Variants in ENOX2 observed in about 807,000 individuals in gnomAD.
ENOX2 encodes APK1 antigen.
ENOX2 carries 36 observed loss-of-function variants against 45.0 expected under a neutral mutation model. That is an observed-to-expected ratio of 0.80 (90% CI 0.61 to 1.06). The LOEUF is 1.06. Among genes scored for constraint, ENOX2 ranks in the 50% least tolerant of loss-of-function variants. The pLI, the probability that ENOX2 is intolerant of heterozygous loss-of-function variation, is 0.00. For synonymous variants in ENOX2, 174 were observed against 152.3 expected (o/e 1.14, Z -1.05); for missense variants, 423 against 462.5 (o/e 0.91, Z 0.78).
chrX:130,724,304 A>T (rs1295400434), intron 3 of ENOX2, among the ~76,000 whole-genome samples: 1 of 112,513 alleles, frequency 8.9e-6, no homozygotes, highest in Admixed American at 9.4e-5. Context: ...ATCAGGAATG[A>T]TGTTCAAAAT....
chrX:130,744,392 A>G (rs2039053333), intron 3 of ENOX2, among the ~76,000 whole-genome samples: 1 of 112,158 alleles, frequency 8.9e-6, no homozygotes. Context: ...CTGTTTATAC[A>G]CTCACACACA....
chrX:130,666,963 A>G (rs1286692349), intron 8 of ENOX2, among the ~76,000 whole-genome samples: 1 of 111,945 alleles, frequency 8.9e-6, no homozygotes, highest in African/African-American at 3.3e-5. Flanking sequence ...ATAGGTTTGG[A>G]GCGGAATTTC....
At chrX:130,711,297 CATT>C (rs1441950561) in intron 3 of ENOX2, among the ~76,000 whole-genome samples, 4 of 111,790 alleles carry the variant, frequency 3.6e-5, no homozygotes, top group Non-Finnish European at 5.6e-5. Flanking sequence ...AACAATCTAT[CATT>C]GTTTGTGAAC....
At chrX:130,640,648 A>G (rs2036056014) in intron 10 of ENOX2, among the ~76,000 whole-genome samples, 1 of 112,237 alleles carries the variant, frequency 8.9e-6, no homozygotes, top group South Asian at 3.7e-4. Flanking sequence ...AAACTAACAC[A>G]GGAACAGAAA....
intron 4 of ENOX2, among the ~76,000 whole-genome samples, chrX:130,700,959 T>G (rs970205556): frequency 9.0e-6 from 1 of 111,582 alleles, no homozygotes; most frequent in Non-Finnish European, 1.9e-5. Flanking sequence ...CACCACACTG[T>G]TTAGAAAACT....
intron 2 of ENOX2, among the ~76,000 whole-genome samples, chrX:130,841,541 A>G (rs182772520): frequency 4.1e-4 from 46 of 112,327 alleles, no homozygotes; most frequent in Middle Eastern, 4.7e-3. Context: ...CCAAAGGCCT[A>G]TGTTATTACT....
chrX:130,896,395 T>A (rs899329835), intron 2 of ENOX2, among the ~76,000 whole-genome samples: 17 of 111,219 alleles, frequency 1.5e-4, no homozygotes, highest in African/African-American at 5.6e-4. Flanking sequence ...CGGGTACATA[T>A]CCCAGTTTTC....
chrX:130,841,380 T>C (rs930561432), intron 2 of ENOX2, among the ~76,000 whole-genome samples: 2 of 112,036 alleles, frequency 1.8e-5, no homozygotes, highest in Non-Finnish European at 3.8e-5. Flanking sequence ...TACCACAGCA[T>C]CATTTATACT....
At chrX:130,835,298 T>A (rs756114250) in intron 2 of ENOX2, among the ~76,000 whole-genome samples, 89 of 111,680 alleles carry the variant, frequency 8.0e-4, no homozygotes, top group African/African-American at 2.9e-3. Flanking sequence ...CAAGGCAGTT[T>A]ACAAAGTACT....
At chrX:130,677,565 T>C (rs1001692147) in intron 6 of ENOX2, among the ~76,000 whole-genome samples, 1 of 111,363 alleles carries the variant, frequency 9.0e-6, no homozygotes, top group Non-Finnish European at 1.9e-5. Flanking sequence ...CTGGGGCCTT[T>C]AAGAGGTGAT....
chrX:130,740,598 A>C (rs189726231), intron 3 of ENOX2, among the ~76,000 whole-genome samples: 37 of 111,265 alleles, frequency 3.3e-4, no homozygotes, highest in Admixed American at 9.6e-4. Flanking sequence ...ATGATTCTAG[A>C]CTAAAGAGTG....
At chrX:130,882,266 A>G (rs957690350) in intron 2 of ENOX2, among the ~76,000 whole-genome samples, 5 of 105,458 alleles carry the variant, frequency 4.7e-5, no homozygotes, top group Non-Finnish European at 9.7e-5. Flanking sequence ...GTGTAGTGGG[A>G]GATAAGAGTG....
At chrX:130,777,685 G>A (rs1454647241) in intron 3 of ENOX2, among the ~76,000 whole-genome samples, 2 of 110,960 alleles carry the variant, frequency 1.8e-5, no homozygotes, top group Non-Finnish European at 3.8e-5. Context: ...TCAATGATTC[G>A]GGCAACTTAA....
chrX:130,748,091 T>C (rs2039136229), intron 3 of ENOX2, among the ~76,000 whole-genome samples: 1 of 112,109 alleles, frequency 8.9e-6, no homozygotes, highest in Admixed American at 9.5e-5. Flanking sequence ...TCAGAGTACA[T>C]ATTAAGTACA....
intron 5 of ENOX2, among the ~76,000 whole-genome samples, chrX:130,680,661 T>C (rs1386748066): frequency 8.9e-6 from 1 of 112,615 alleles, no homozygotes; most frequent in Non-Finnish European, 1.9e-5. Context: ...ATGATGGTCA[T>C]GGGTTTTCTA....
intron 5 of ENOX2, among the ~76,000 whole-genome samples, chrX:130,685,880 G>A (rs1344597088): frequency 8.9e-6 from 1 of 111,873 alleles, no homozygotes; most frequent in Non-Finnish European, 1.9e-5. Context: ...GAGGTCAGGA[G>A]TTGGACTATG....
intron 2 of ENOX2, among the ~76,000 whole-genome samples, chrX:130,813,072 C>T (rs1282083767): frequency 1.8e-5 from 2 of 111,886 alleles, no homozygotes; most frequent in African/African-American, 6.5e-5. Flanking sequence ...AACGCTTAAC[C>T]AGTAGGTATA....
intron 2 of ENOX2, among the ~76,000 whole-genome samples, chrX:130,898,168 C>T (rs1172514965): frequency 2.3e-4 from 25 of 110,635 alleles, no homozygotes; most frequent in African/African-American, 6.6e-4. Flanking sequence ...CCATCACGCC[C>T]GGCTAATTTT....
intron 3 of ENOX2, among the ~76,000 whole-genome samples, chrX:130,765,578 G>A (rs1158670557): frequency 9.0e-6 from 1 of 111,104 alleles, no homozygotes; most frequent in Non-Finnish European, 1.9e-5. Context: ...TGTATAATAT[G>A]CCACTGCATG....
Sources: gnomAD v4.1 joint callset for allele counts (sites outside exome capture counted in the v4.1 genomes callset) on GRCh38, gnomAD v4.1.1 for gene constraint, MANE v1.5 for transcripts, NCBI Gene and HGNC (gene_info 2026-07-23, HGNC 2026-07-21) for gene names.